The following RYK variants were observed in gnomAD, a reference collection of about 807,000 sequenced individuals.
RYK encodes the protein inactive tyrosine-protein kinase RYK.
RYK carries 21 observed loss-of-function variants against 70.2 expected under a neutral mutation model. The observed-to-expected ratio is 0.30, with a 90% CI of 0.21 to 0.43. RYK has a LOEUF of 0.43. Among genes scored for constraint, RYK ranks in the 20% least tolerant of loss-of-function variants. The probability of loss-of-function intolerance (pLI) is 1.00; values close to 1 mark genes in which losing one functional copy is unlikely to be tolerated. For missense variants in RYK, 604 were observed against 753.3 expected (o/e 0.80, Z 2.32); for synonymous variants, 267 against 278.0 (o/e 0.96, Z 0.39).
In RYK at chr3:134,157,741, A is replaced by T. The variant is rs943565855; in HGVS notation, c.*412T>A. The stretch of plus-strand genomic sequence containing the variant: ...AGAGTAGTGATAAAAAATAACACTA[A>T]AAAAACTTTAAAGGTGAGTCACTTA... On this transcript the variant is annotated 3_prime_UTR_variant, in exon 15 of 15. Transcript: ENST00000623711. 1 of 153,742 alleles carries T rather than the reference A, an allele frequency of 6.5e-6. No individual in the cohort carries two copies. Among genetic ancestry groups the T allele is most frequent in the African/African-American group, 2.4e-5 (1 of 41,526 alleles). 9.5% of individuals were successfully genotyped at this position (153,742 alleles called of 1,614,324 possible).
intron 7 of RYK, among the ~76,000 whole-genome samples, chr3:134,194,594 A>G (rs1210296663): frequency 6.6e-6 from 1 of 152,226 alleles, no homozygotes. Context: ...ACTAAAGAAT[A>G]AATGCCAGTC....
chr3:134,179,602 C>G (rs1192888241), intron 10 of RYK: 4 of 152,218 alleles, frequency 2.6e-5, no homozygotes, highest in African/African-American at 9.7e-5. Context: ...TCATCTGATT[C>G]AATACCCTTT....
chr3:134,181,761 C>T (rs1576508023), intron 10 of RYK: 1 of 152,110 alleles, frequency 6.6e-6, no homozygotes, highest in East Asian at 1.9e-4. Flanking sequence ...AAAATTTGCT[C>T]TAATGTTGAT....
At chr3:134,249,743 A>G (rs372185463) in intron 1 of RYK, among the ~76,000 whole-genome samples, 1 of 152,206 alleles carries the variant, frequency 6.6e-6, no homozygotes. Flanking sequence ...CAAACTCCCA[A>G]CACACCCAAT....
At chr3:134,203,687 T>C (rs1032107433) in intron 5 of RYK, among the ~76,000 whole-genome samples, 1 of 152,150 alleles carries the variant, frequency 6.6e-6, no homozygotes, top group Non-Finnish European at 1.5e-5. Flanking sequence ...CTAATGAGTA[T>C]AACAGTCACT....
intron 2 of RYK, among the ~76,000 whole-genome samples, chr3:134,216,728 GGT>G (rs1449320156): frequency 7.0e-6 from 1 of 143,200 alleles, no homozygotes. Context: ...AGGAGGTGGA[GGT>G]TGCAGTGAGC....
chr3:134,248,788 G>T (rs1221904569), intron 1 of RYK, among the ~76,000 whole-genome samples: 1 of 152,062 alleles, frequency 6.6e-6, no homozygotes, highest in Non-Finnish European at 1.5e-5. Context: ...ACAAGAGCGA[G>T]ACTCCGTCTA....
chr3:134,174,849 G>T (rs1379744491), intron 13 of RYK, among the ~76,000 whole-genome samples: 1 of 151,850 alleles, frequency 6.6e-6, no homozygotes, highest in Non-Finnish European at 1.5e-5. Context: ...ATGACGGGGG[G>T]ATTTACAAAT....
intron 1 of RYK, among the ~76,000 whole-genome samples, chr3:134,242,638 C>A (rs1014951013): frequency 6.6e-6 from 1 of 152,112 alleles, no homozygotes; most frequent in Non-Finnish European, 1.5e-5. Flanking sequence ...AGAACATTGG[C>A]GTAACTGCAT....
chr3:134,186,364 C>CT (rs1660838955), intron 9 of RYK, among the ~76,000 whole-genome samples: 1 of 152,190 alleles, frequency 6.6e-6, no homozygotes, highest in African/African-American at 2.4e-5. Context: ...TTCTAAAACA[C>CT]TGTTTTTTTA....
At chr3:134,210,304 G>A (rs1003592000) in intron 3 of RYK, among the ~76,000 whole-genome samples, 4 of 152,162 alleles carry the variant, frequency 2.6e-5, no homozygotes, top group African/African-American at 9.7e-5. Flanking sequence ...ACCTGTAAAT[G>A]AATCTGATAA....
At chr3:134,199,392 C>T (rs968582163) in intron 6 of RYK, among the ~76,000 whole-genome samples, 8 of 152,240 alleles carry the variant, frequency 5.3e-5, no homozygotes, top group African/African-American at 1.9e-4. Context: ...CAGTGCCTGG[C>T]ACACAGCAAG....
chr3:134,180,025 G>C (rs2013241028), intron 10 of RYK: 1 of 152,168 alleles, frequency 6.6e-6, no homozygotes, highest in Non-Finnish European at 1.5e-5. Flanking sequence ...TCTCTAAGAA[G>C]AGTGAATGAA....
intron 13 of RYK, among the ~76,000 whole-genome samples, chr3:134,163,314 C>T (rs146343106): frequency 3.9e-5 from 6 of 152,204 alleles, no homozygotes; most frequent in Middle Eastern, 3.4e-3. Flanking sequence ...TAAGGTCTTC[C>T]GATAACTGAA....
rs767435817 is a variant in RYK at position 134,202,862 on chromosome 3, T to A, written c.656A>T (p.His219Leu). 3.1e-6 allele frequency: 5 copies of A among 1,611,442 alleles called. No homozygotes were observed. Among genetic ancestry groups the A allele is most frequent in the South Asian group, 1.1e-5 (1 of 90,084 alleles). Residue 219 changes from histidine (H) to leucine (L), a missense_variant, in exon 6 of 15, where the codon CAT becomes CTT. Physicochemically the swap from His to Leu is moderately conservative, Grantham distance 99 (BLOSUM62 -3). Around this residue, in one of 2 missense-constraint regions of RYK, gnomAD observed 466 missense variants for 535.9 expected, o/e 0.87. Coordinates refer to ENST00000623711, the MANE Select transcript of RYK (RefSeq NM_002958.4). ...NTSRTIYDPVHAAPTTSTRVF... is the reference protein window; with the variant it reads ...NTSRTIYDPVLAAPTTSTRVF... ...ACGCGTAGAAGTGGTTGGAGCTGCA[T>A]GTACAGGATCATCTGAAATAAAAAC...
chr3:134,248,270 C>T (rs944604437), intron 1 of RYK, among the ~76,000 whole-genome samples: 2 of 152,172 alleles, frequency 1.3e-5, no homozygotes, highest in African/African-American at 4.8e-5. Context: ...TGAAACAATG[C>T]TTCCTACCCT....
At chr3:134,196,869 A>G (rs1201078242) in intron 6 of RYK, among the ~76,000 whole-genome samples, 9 of 152,190 alleles carry the variant, frequency 5.9e-5, no homozygotes, top group Non-Finnish European at 1.3e-4. Flanking sequence ...GAGAGCACTT[A>G]TAATATGCAA....
Position 134,190,047 on chromosome 3 carries a change from A to G in RYK, c.1016-1124T>C, listed in dbSNP as rs767173840. Among the ~76,000 whole-genome samples the G allele has an allele frequency of 3.3e-5, 5 of 152,152 alleles. 1 individual carries two copies. The highest frequency in any genetic ancestry group is 4.1e-4 in the South Asian group (2 of 4,834). ...GGCTTGCTCTAATGCCTTCCACTCT[A>G]TGAGGTGGAGTTGTTGGTATCCATG... On this transcript the variant is annotated intron_variant, in intron 8 of 14. Transcript: ENST00000623711.
intron 9 of RYK, among the ~76,000 whole-genome samples, chr3:134,187,907 T>C (rs2013520595): frequency 6.6e-6 from 1 of 152,000 alleles, no homozygotes; most frequent in Non-Finnish European, 1.5e-5. Flanking sequence ...TTGTAAGTAA[T>C]TAAAATTCTA....
Sources: gnomAD v4.1 joint callset for allele counts (sites outside exome capture counted in the v4.1 genomes callset) on GRCh38, gnomAD v4.1.1 for gene constraint, gnomAD v4.1.1 regional missense constraint, MANE v1.5 for transcripts, NCBI Gene and HGNC (gene_info 2026-07-23, HGNC 2026-07-21) for gene names.